LUZP2: variants seen among roughly 807,000 people sequenced by gnomAD.
LUZP2 encodes leucine zipper protein 2.
Under a neutral mutation model 51.6 loss-of-function variants are expected in LUZP2, and 52 were observed. The ratio of observed to expected loss-of-function variants is 1.01; its 90% CI spans 0.81 to 1.27. The LOEUF (loss-of-function observed/expected upper bound fraction) is 1.27, where lower values mean the gene tolerates loss of function less well. Ranked by LOEUF, LUZP2 falls within the 50% of genes most tolerant of loss-of-function variation. The pLI is 0.00. For missense variants in LUZP2, 436 were observed against 395.4 expected, an observed-to-expected ratio of 1.10 and a Z score of -0.87; for synonymous variants, 154 against 137.3, an observed-to-expected ratio of 1.12 and a Z score of -0.85.
chr11:24,933,545 G>A (rs1025416980), intron 7 of LUZP2, among the ~76,000 whole-genome samples: 1 of 152,068 alleles, frequency 6.6e-6, no homozygotes, highest in African/African-American at 2.4e-5. Context: ...TTTTCTATTT[G>A]ACCATGATGC....
At chr11:24,881,895 A>T (rs527880762) in intron 5 of LUZP2, among the ~76,000 whole-genome samples, 7 of 139,768 alleles carry the variant, frequency 5.0e-5, no homozygotes, top group African/African-American at 1.8e-4. Context: ...ATCATTTCTA[A>T]TAACCTATTT....
chr11:24,741,419 C>CT (rs1315392813), intron 4 of LUZP2, among the ~76,000 whole-genome samples: 2 of 151,726 alleles, frequency 1.3e-5, no homozygotes, highest in Non-Finnish European at 2.9e-5. Flanking sequence ...CTGTTAATTT[C>CT]TTTTTTTATT....
At chr11:24,726,141 G>A (rs1183576749) in intron 1 of LUZP2, among the ~76,000 whole-genome samples, 5 of 152,044 alleles carry the variant, frequency 3.3e-5, no homozygotes, top group Non-Finnish European at 5.9e-5. Context: ...ATTTAAATAG[G>A]CAAAACATAT....
intron 1 of LUZP2, among the ~76,000 whole-genome samples, chr11:24,587,190 T>A (rs570195536): frequency 1.3e-5 from 2 of 152,214 alleles, no homozygotes; most frequent in East Asian, 3.9e-4. Context: ...CAGGCTCAAA[T>A]GTATTTTATC....
At chr11:24,657,527 A>C (rs1208634756) in intron 1 of LUZP2, among the ~76,000 whole-genome samples, 2 of 152,188 alleles carry the variant, frequency 1.3e-5, no homozygotes, top group Non-Finnish European at 2.9e-5. Flanking sequence ...CAAGACAGGG[A>C]TGCCCTCTCT....
intron 1 of LUZP2, among the ~76,000 whole-genome samples, chr11:24,527,550 A>ATCTCTC (rs144689201): frequency 5.6e-4 from 79 of 140,180 alleles, no homozygotes; most frequent in Middle Eastern, 3.7e-3. Flanking sequence ...TTAAATAAGA[A>ATCTCTC]TCTCTCTCTC....
chr11:24,836,392 A>G (rs1258305573), intron 5 of LUZP2, among the ~76,000 whole-genome samples: 1 of 151,928 alleles, frequency 6.6e-6, no homozygotes, highest in East Asian at 1.9e-4. Flanking sequence ...GTTATTAAAA[A>G]CAACCCTGAT....
At chr11:24,897,834 A>C (rs571983321) in intron 5 of LUZP2, among the ~76,000 whole-genome samples, 6 of 152,028 alleles carry the variant, frequency 3.9e-5, no homozygotes, top group African/African-American at 1.4e-4. Context: ...TGCTTGCTCA[A>C]TTGATTTACT....
intron 1 of LUZP2, among the ~76,000 whole-genome samples, chr11:24,594,819 G>C (rs965523758): frequency 7.2e-6 from 1 of 139,526 alleles, no homozygotes; most frequent in Admixed American, 7.8e-5. Flanking sequence ...GAGTGCACTG[G>C]TGTGATCTTG....
At chr11:24,711,183 C>T (rs1448721973) in intron 1 of LUZP2, among the ~76,000 whole-genome samples, 3 of 152,190 alleles carry the variant, frequency 2.0e-5, no homozygotes, top group Non-Finnish European at 4.4e-5. Flanking sequence ...GGCGCGGTGG[C>T]TGATGCCTGT....
chr11:24,602,194 A>ATG (rs1263552603), intron 1 of LUZP2, among the ~76,000 whole-genome samples: 7 of 90,016 alleles, frequency 7.8e-5, no homozygotes, highest in African/African-American at 2.7e-4. Flanking sequence ...ATATGTATAT[A>ATG]TGTACATATA....
At chr11:24,750,818 A>G (rs1422462645) in intron 4 of LUZP2, among the ~76,000 whole-genome samples, 1 of 152,176 alleles carries the variant, frequency 6.6e-6, no homozygotes, top group Non-Finnish European at 1.5e-5. Flanking sequence ...TAATGTTTCC[A>G]TATACTGTCA....
chr11:25,039,124 G>A (rs561887634), intron 9 of LUZP2, among the ~76,000 whole-genome samples: 1 of 152,152 alleles, frequency 6.6e-6, no homozygotes, highest in Non-Finnish European at 1.5e-5. Flanking sequence ...CACTGGAAAT[G>A]TACTTGCAAT....
chr11:24,928,060 C>T (rs998629112), intron 7 of LUZP2, among the ~76,000 whole-genome samples: 24 of 151,906 alleles, frequency 1.6e-4, no homozygotes, highest in African/African-American at 5.8e-4. Context: ...TGATGTATGG[C>T]AGAGCTACTG....
intron 5 of LUZP2, among the ~76,000 whole-genome samples, chr11:24,828,357 A>G (rs1850603104): frequency 6.6e-6 from 1 of 152,112 alleles, no homozygotes; most frequent in South Asian, 2.1e-4. Context: ...TACTTTAGAT[A>G]GTTTAAATCT....
In LUZP2 at chr11:24,819,549, A is replaced by C. The variant is rs998197516; in HGVS notation, c.396+56241A>C. On this transcript the variant is annotated intron_variant, in intron 5 of 11. Coordinates refer to ENST00000336930, the MANE Select transcript of LUZP2 (RefSeq NM_001009909.4). The stretch of plus-strand genomic sequence containing the variant: ...CATTTATAATTATGCCTGAGGTTTA[A>C]AACTTTTCTGTTTTTTGAAATATAT... 4.6e-5 allele frequency among the ~76,000 whole-genome samples: 7 copies of C among 152,124 alleles called. No individual in the cohort carries two copies. The South Asian group carries it at 1.4e-3, about 31-fold the overall frequency.
chr11:24,802,693 T>C (rs1849729378), intron 5 of LUZP2, among the ~76,000 whole-genome samples: 1 of 152,084 alleles, frequency 6.6e-6, no homozygotes, highest in Admixed American at 6.6e-5. Context: ...AACCACTCTT[T>C]TATTTGTCTC....
rs1853438256 is a variant in LUZP2 at position 24,596,141 on chromosome 11, C to A, written c.62+98836C>A. Among the ~76,000 whole-genome samples the A allele has an allele frequency of 2.0e-5, 3 of 152,182 alleles. No individual in the cohort carries two copies. The South Asian group carries it at 6.2e-4, about 31-fold the overall frequency. ...TCCGTTGCAGCTTCAAATGTTACAA[C>A]ACACAGGAATATAATCCCAAGGCAC... On this transcript the variant is annotated intron_variant, in intron 1 of 11. Coordinates refer to ENST00000336930, the MANE Select transcript of LUZP2 (RefSeq NM_001009909.4).
intron 7 of LUZP2, among the ~76,000 whole-genome samples, chr11:24,952,700 C>T (rs1261040969): frequency 6.6e-6 from 1 of 151,830 alleles, no homozygotes; most frequent in African/African-American, 2.4e-5. Flanking sequence ...ACTTGGCAGA[C>T]TTTTGTTTGC....
Sources: allele counts gnomAD v4.1 joint callset (sites outside exome capture counted in the v4.1 genomes callset), GRCh38; gene constraint gnomAD v4.1.1; transcripts MANE v1.5; gene names NCBI Gene and HGNC (gene_info 2026-07-23, HGNC 2026-07-21).